REEP1: variants seen among roughly 807,000 people sequenced by gnomAD.
REEP1 encodes receptor expression-enhancing protein 1.
In REEP1, 22 loss-of-function variants were observed where a neutral mutation model predicts 40.3. That is an observed-to-expected ratio of 0.55 (90% CI 0.39 to 0.78). The LOEUF (loss-of-function observed/expected upper bound fraction) is 0.78. REEP1 is among the 30% of genes least tolerant of loss of function. REEP1 has a pLI of 0.00. For synonymous variants in REEP1, 116 were observed against 139.2 expected (o/e 0.83, Z 1.17); for missense variants, 280 against 361.1 (o/e 0.78, Z 1.82).
chr2:86,217,099 T>A lies in REEP1; in HGVS notation c.795A>T (p.Arg265Ser). The A allele has an allele frequency of 1.9e-6, 3 of 1,614,038 alleles. No individual in the cohort carries two copies. Among genetic ancestry groups the A allele is most frequent in the Non-Finnish European group, 2.5e-6 (3 of 1,179,900 alleles). The change falls in exon 9 of 9, where the codon AGA becomes AGT. Residue 265 changes from arginine to serine, a missense_variant. By Grantham distance (110) the Arg-to-Ser change is moderately radical. Coordinates refer to ENST00000538924, the MANE Select transcript of REEP1 (RefSeq NM_001371279.1). ...RMELPLEAPP[R>S]ILRSRFRKKS... ...TCTTCCTGAAGCGAGATCGAAGGAT[T>A]CTAGGCGGTGCCTGGTAGAGAAAAC...
chr2:86,279,052 C>A (rs1411279142), intron 2 of REEP1, among the ~76,000 whole-genome samples: 1 of 152,174 alleles, frequency 6.6e-6, no homozygotes, highest in Non-Finnish European at 1.5e-5. Context: ...CCTGACCAGC[C>A]CTGGTGGTTC....
chr2:86,216,171 C>G lies in REEP1; in HGVS notation c.*868G>C, dbSNP rs1674103182. 1.3e-5 allele frequency: 2 copies of G among 152,210 alleles called. No individual in the cohort carries two copies. Among genetic ancestry groups the G allele is most frequent in the South Asian group, 4.1e-4 (2 of 4,826 alleles). The allele number at this position is 152,210 out of a possible 1,614,324, so 9.4% of individuals were successfully genotyped here. A position where few individuals can be genotyped will look rare whatever the true frequency, so the allele number is the denominator to read the frequency against. ...CACAGAATTACTCCTTCCAGCAGCT[C>G]TACATGTTCCCATCCTCAAGAAATT... On this transcript the variant is annotated 3_prime_UTR_variant, in exon 9 of 9. Coordinates refer to ENST00000538924, the MANE Select transcript of REEP1 (RefSeq NM_001371279.1).
At chr2:86,239,799 G>A (rs996557877) in intron 5 of REEP1, 1 of 152,260 alleles carries the variant, frequency 6.6e-6, no homozygotes, top group African/African-American at 2.4e-5. Flanking sequence ...TCACATGTTA[G>A]ATGCTACCAA....
intron 7 of REEP1, among the ~76,000 whole-genome samples, chr2:86,221,705 G>C (rs1473232234): frequency 6.6e-6 from 1 of 152,126 alleles, no homozygotes; most frequent in Non-Finnish European, 1.5e-5. Context: ...GTCTCTCTGA[G>C]CACCTGACCC....
At chr2:86,316,280 T>G (rs1423271147) in intron 1 of REEP1, among the ~76,000 whole-genome samples, 1 of 152,164 alleles carries the variant, frequency 6.6e-6, no homozygotes, top group Admixed American at 6.5e-5. Context: ...GGTTCACGCC[T>G]GTAATCCTAG....
intron 2 of REEP1, among the ~76,000 whole-genome samples, chr2:86,275,347 C>T (rs1416620850): frequency 6.6e-6 from 1 of 152,194 alleles, no homozygotes; most frequent in Non-Finnish European, 1.5e-5. Context: ...ACTCCATTTT[C>T]TTATTTTCTA....
At chr2:86,274,797 G>T (rs1677653397) in intron 2 of REEP1, among the ~76,000 whole-genome samples, 1 of 152,116 alleles carries the variant, frequency 6.6e-6, no homozygotes, top group South Asian at 2.1e-4. Flanking sequence ...CTCTAAACTG[G>T]TCAGGAGCAG....
At position 86,246,992 on chromosome 2, in the gene REEP1, C is replaced by T. The variant is rs955216088; in HGVS notation, c.417+4965G>A. Among the ~76,000 whole-genome samples, 17 of 152,276 alleles carry T rather than the reference C, an allele frequency of 1.1e-4. No individual in the cohort carries two copies. The Middle Eastern group carries it at 0.01, about 91-fold the overall frequency. On this transcript the variant is annotated intron_variant, in intron 5 of 8. Transcript: ENST00000538924. ...CTGGGATTACAGGCGTGAGCCACCACGGCCAGCCTATGGTTTATTTTTCAT... is the reference window on the plus strand; with the variant it reads ...CTGGGATTACAGGCGTGAGCCACCATGGCCAGCCTATGGTTTATTTTTCAT...
chr2:86,223,653 CACTT>C (rs1410240412), intron 7 of REEP1: 8 of 152,346 alleles, frequency 5.3e-5, no homozygotes, highest in African/African-American at 1.7e-4. Flanking sequence ...CATGCTCACT[CACTT>C]CCCATGCTCT....
At chr2:86,303,726 G>T (rs1679360315) in intron 1 of REEP1, among the ~76,000 whole-genome samples, 1 of 152,134 alleles carries the variant, frequency 6.6e-6, no homozygotes, top group African/African-American at 2.4e-5. Flanking sequence ...GATCTTGAAA[G>T]GTGAGCAGGG....
intron 1 of REEP1, among the ~76,000 whole-genome samples, chr2:86,319,115 T>C (rs140719152): frequency 6.6e-6 from 1 of 152,096 alleles, no homozygotes; most frequent in Non-Finnish European, 1.5e-5. Flanking sequence ...ACAGGAGACA[T>C]AGTTGAGGGC....
At chr2:86,331,134 T>G (rs1005672710) in intron 1 of REEP1, among the ~76,000 whole-genome samples, 1 of 152,244 alleles carries the variant, frequency 6.6e-6, no homozygotes, top group African/African-American at 2.4e-5. Flanking sequence ...CTTTTACTTA[T>G]GGACTTTCTC....
At chr2:86,295,981 G>A (rs1313014926) in intron 1 of REEP1, among the ~76,000 whole-genome samples, 2 of 152,150 alleles carry the variant, frequency 1.3e-5, no homozygotes, top group Non-Finnish European at 1.5e-5. Flanking sequence ...AAAATTCCAA[G>A]ACAATAACAG....
At chr2:86,287,479 G>A (rs1408020457) in intron 1 of REEP1, among the ~76,000 whole-genome samples, 1 of 152,168 alleles carries the variant, frequency 6.6e-6, no homozygotes, top group Non-Finnish European at 1.5e-5. Context: ...TTTCATCTGA[G>A]CATTAAAATG....
intron 3 of REEP1, among the ~76,000 whole-genome samples, chr2:86,262,480 C>T (rs1429340419): frequency 6.6e-6 from 1 of 152,228 alleles, no homozygotes; most frequent in Non-Finnish European, 1.5e-5. Flanking sequence ...CAGCTTGAGG[C>T]TACAATGGCT....
chr2:86,262,138 C>G (rs532893147), intron 3 of REEP1, among the ~76,000 whole-genome samples: 5 of 152,196 alleles, frequency 3.3e-5, no homozygotes, highest in African/African-American at 1.2e-4. Flanking sequence ...CTCCATATGC[C>G]GAACGCTGGT....
At chr2:86,238,532 G>A (rs1459533328) in intron 5 of REEP1, among the ~76,000 whole-genome samples, 1 of 152,206 alleles carries the variant, frequency 6.6e-6, no homozygotes, top group Non-Finnish European at 1.5e-5. Context: ...ATGAATGAAC[G>A]TATGACCATT....
intron 2 of REEP1, among the ~76,000 whole-genome samples, chr2:86,267,245 G>T (rs766849463): frequency 1.3e-5 from 2 of 152,160 alleles, no homozygotes; most frequent in Non-Finnish European, 2.9e-5. Flanking sequence ...TCATGGGGGC[G>T]GTTTCCCCCA....
chr2:86,327,769 G>A (rs1427153944), intron 1 of REEP1, among the ~76,000 whole-genome samples: 18 of 152,040 alleles, frequency 1.2e-4, no homozygotes, highest in African/African-American at 4.4e-4. Context: ...GGATTTCACC[G>A]TGTTAGCCAG....
Sources: allele counts gnomAD v4.1 joint callset (sites outside exome capture counted in the v4.1 genomes callset), GRCh38; gene constraint gnomAD v4.1.1; transcripts MANE v1.5; gene names NCBI Gene and HGNC (gene_info 2026-07-23, HGNC 2026-07-21).